CLPX: variants seen among roughly 807,000 people sequenced by gnomAD.
CLPX encodes the protein caseinolytic mitochondrial matrix peptidase chaperone subunit X.
A neutral mutation model predicts 76.4 loss-of-function variants in CLPX; 34 were observed. The observed-to-expected ratio is 0.45, with a 90% CI of 0.34 to 0.59. The LOEUF is 0.59. Ranked by LOEUF, CLPX falls within the 20% of genes least tolerant of loss-of-function variation. CLPX has a pLI of 0.01. For synonymous variants in CLPX, 248 were observed against 270.9 expected (o/e 0.92, Z 0.83); for missense variants, 613 against 757.0 (o/e 0.81, Z 2.23).
chr15:65,151,929 C>CT (rs1397754601), intron 13 of CLPX, among the ~76,000 whole-genome samples: 1 of 151,882 alleles, frequency 6.6e-6, no homozygotes, highest in African/African-American at 2.4e-5. Context: ...GCCCCATTGC[C>CT]TTTTTTTATA....
chr15:65,176,995 T>A (rs191436146), intron 3 of CLPX, among the ~76,000 whole-genome samples: 1 of 152,180 alleles, frequency 6.6e-6, no homozygotes, highest in Non-Finnish European at 1.5e-5. Flanking sequence ...ACCTTATAAA[T>A]TGAACAATTT....
At chr15:65,185,032 C>CCA in intron 1 of CLPX, 43 bp downstream of exon 1, 1 of 1,511,080 alleles carries the variant, frequency 6.6e-7, no homozygotes, top group South Asian at 1.2e-5. Flanking sequence ...GTCCACCCCC[C>CCA]CCCCGACAGG....
intron 3 of CLPX, among the ~76,000 whole-genome samples, chr15:65,170,837 T>TTC (rs1413013435): frequency 6.7e-6 from 1 of 149,134 alleles, no homozygotes; most frequent in East Asian, 2.0e-4. Context: ...TTTTTTTTTT[T>TTC]TTTGAGACGG....
At chr15:65,175,818 G>C (rs2088084001) in intron 3 of CLPX, among the ~76,000 whole-genome samples, 1 of 152,084 alleles carries the variant, frequency 6.6e-6, no homozygotes, top group African/African-American at 2.4e-5. Flanking sequence ...AACTTTTAAT[G>C]ATCAGACACA....
intron 13 of CLPX, among the ~76,000 whole-genome samples, chr15:65,151,481 G>GAAAAAAT (rs2087720337): frequency 2.1e-5 from 1 of 46,948 alleles, no homozygotes. Flanking sequence ...AAAAAAAAAA[G>GAAAAAAT]GACAATATGG....
chr15:65,171,308 G>A (rs557995966), intron 3 of CLPX, among the ~76,000 whole-genome samples: 8 of 151,882 alleles, frequency 5.3e-5, no homozygotes, highest in East Asian at 1.9e-4. Context: ...TTATCCGGGC[G>A]TGTTGTCTTG....
chr15:65,160,636 C>A (rs1040671068), intron 6 of CLPX, among the ~76,000 whole-genome samples: 2 of 151,670 alleles, frequency 1.3e-5, no homozygotes, highest in African/African-American at 4.9e-5. Flanking sequence ...CACACACACA[C>A]ACACACACAC....
At chr15:65,179,204 G>A (rs1443415959) in intron 2 of CLPX, among the ~76,000 whole-genome samples, 153 bp from the exon 3 acceptor site, 2 of 152,142 alleles carry the variant, frequency 1.3e-5, no homozygotes, top group Non-Finnish European at 2.9e-5. Flanking sequence ...TATTACTGGT[G>A]TCAGAAGATC....
At chr15:65,171,193 T>A (rs1430741816) in intron 3 of CLPX, among the ~76,000 whole-genome samples, 1 of 152,062 alleles carries the variant, frequency 6.6e-6, no homozygotes, top group Non-Finnish European at 1.5e-5. Flanking sequence ...ACGCCTGTAA[T>A]CCTAGCACTC....
At chr15:65,160,668 GAATA>G (rs1439487440) in intron 6 of CLPX, among the ~76,000 whole-genome samples, 1 of 141,184 alleles carries the variant, frequency 7.1e-6, no homozygotes, top group Admixed American at 7.2e-5. Flanking sequence ...CGATTTAGAT[GAATA>G]AATGAACAAA....
rs376887227 is a variant in CLPX, at chr15:65,162,665, T to C, written c.674-20A>G. The C allele has an allele frequency of 6.3e-5, 92 of 1,470,928 alleles. No individual in the cohort carries two copies. In the Middle Eastern group the frequency reaches 7.7e-4, roughly 12 times the overall value. 91.1% of individuals were successfully genotyped at this position (1,470,928 alleles called of 1,614,324 possible). On this transcript the variant is annotated intron_variant, in intron 5 of 13. Coordinates refer to ENST00000300107, the MANE Select transcript of CLPX (RefSeq NM_006660.5). ...CTAACTCTAAGAAAGAGGATGAAAA[T>C]ATTACATATTTGTTTACCTTGGGGG...
chr15:65,163,145 T>C (rs755218525), intron 5 of CLPX, among the ~76,000 whole-genome samples: 8 of 152,120 alleles, frequency 5.3e-5, no homozygotes, highest in Non-Finnish European at 1.2e-4. Flanking sequence ...GGAGGATCAC[T>C]GGAGCCTGGG....
At chr15:65,175,151 T>C (rs1055220963) in intron 3 of CLPX, among the ~76,000 whole-genome samples, 3 of 152,132 alleles carry the variant, frequency 2.0e-5, no homozygotes, top group African/African-American at 7.2e-5. Context: ...CCAAAAAGCA[T>C]ATAAAAAGAT....
At position 65,152,419 on chromosome 15, in the gene CLPX, A is replaced by G. The variant is rs2087733018; in HGVS notation, c.1811+11T>C. Reference sequence around the variant, plus strand: ...ATTTTGTATCTGTTCTGGCTTGAAAATACACTTTACCGGATGTATCCTGGT... The same window carrying G: ...ATTTTGTATCTGTTCTGGCTTGAAAGTACACTTTACCGGATGTATCCTGGT... On this transcript the variant is annotated intron_variant, in intron 13 of 13. Transcript: ENST00000300107. The G allele has an allele frequency of 3.6e-6, 5 of 1,393,758 alleles. No individual in the cohort carries two copies. The highest frequency in any genetic ancestry group is 1.5e-5 in the South Asian group (1 of 66,762). 86.3% of individuals were successfully genotyped at this position (1,393,758 alleles called of 1,614,324 possible).
intron 4 of CLPX, among the ~76,000 whole-genome samples, chr15:65,164,735 G>A (rs1443935933): frequency 1.3e-5 from 2 of 151,808 alleles, no homozygotes; most frequent in Non-Finnish European, 2.9e-5. Context: ...TCATTTATCT[G>A]AGACTCTAAA....
intron 8 of CLPX, 143 bp downstream of exon 8, chr15:65,157,603 T>C (rs1566979798): frequency 2.5e-6 from 2 of 798,040 alleles, no homozygotes; most frequent in Middle Eastern, 3.0e-4. Flanking sequence ...TTAATCAGTA[T>C]GCTAGAAATT....
At chr15:65,179,095 G>A in intron 2 of CLPX, 44 bp from the exon 3 acceptor site, 1 of 1,169,474 alleles carries the variant, frequency 8.6e-7, no homozygotes, top group Admixed American at 1.8e-5. Flanking sequence ...TCAATTATTA[G>A]TTTCAGGCAA....
chr15:65,160,160 T>A (rs1304432200), intron 6 of CLPX, among the ~76,000 whole-genome samples: 1 of 152,242 alleles, frequency 6.6e-6, no homozygotes, highest in African/African-American at 2.4e-5. Context: ...GACTTTCCAA[T>A]GATTATTTTA....
chr15:65,184,265 A>T (rs576608853), intron 1 of CLPX: 22 of 152,376 alleles, frequency 1.4e-4, no homozygotes, highest in African/African-American at 5.0e-4. Flanking sequence ...AGAGAAAAAA[A>T]GTTTATTTTC....
Sources: allele counts gnomAD v4.1 joint callset (sites outside exome capture counted in the v4.1 genomes callset), GRCh38; gene constraint gnomAD v4.1.1; transcripts MANE v1.5; gene names NCBI Gene and HGNC (gene_info 2026-07-23, HGNC 2026-07-21).